The following SLC6A2 variants were observed in gnomAD, a reference collection of about 807,000 sequenced individuals.
The protein encoded by SLC6A2 is solute carrier family 6 member 2, also known as sodium-dependent noradrenaline transporter.
Under a neutral mutation model 71.7 loss-of-function variants are expected in SLC6A2, and 26 were observed. The ratio of observed to expected loss-of-function variants is 0.36; its 90% CI spans 0.27 to 0.50. The LOEUF is 0.50. Among genes scored for constraint, SLC6A2 ranks in the 20% least tolerant of loss-of-function variants. The pLI, the probability that SLC6A2 is intolerant of heterozygous loss-of-function variation, is 0.96. For missense variants in SLC6A2, 581 were observed against 803.9 expected (o/e 0.72, Z 3.35); for synonymous variants, 363 against 337.9 (o/e 1.07, Z -0.82).
In SLC6A2 at chr16:55,656,349, C is replaced by T. The variant is rs139594932; in HGVS notation, c.-52+180C>T. 3.6e-4 allele frequency: 147 copies of T among 408,210 alleles called. No homozygotes were observed. The highest frequency in any genetic ancestry group is 7.7e-4 in the Middle Eastern group (1 of 1,300). The allele number at this position is 408,210 out of a possible 1,614,324, so 25.3% of individuals were successfully genotyped here. ...AGGGGGTCGGCACGCTGCCCTCAGC[C>T]TCGGTGAGTTCAATCCCAGCCATTT... On this transcript the variant is annotated intron_variant, in intron 1 of 14. Coordinates refer to ENST00000568943, the MANE Select transcript of SLC6A2 (RefSeq NM_001172501.3). This position sits in a 1 kb window ranked among gnomAD's most constrained non-coding sequence, Gnocchi z 4.5.
rs746055463 is a variant in SLC6A2 at position 55,695,235 on chromosome 16, G to C, written c.1023-43G>C. The C allele has an allele frequency of 4.3e-6, 7 of 1,613,104 alleles. No homozygotes were observed. In the East Asian group the frequency reaches 1.6e-4, roughly 36 times the overall value. ...AGTCCAGCAGTCAAAACACAGGGTT[G>C]AGGGTGTCAAGGGACTTGACCTCAC... On this transcript the variant is annotated intron_variant, in intron 7 of 14. Transcript: ENST00000568943.
At chr16:55,699,026 T>C (rs560855658) in intron 11 of SLC6A2, among the ~76,000 whole-genome samples, 6 of 152,372 alleles carry the variant, frequency 3.9e-5, no homozygotes, top group Non-Finnish European at 8.8e-5. Flanking sequence ...GGCAAACTTA[T>C]TCTGGAACAG....
intron 2 of SLC6A2, among the ~76,000 whole-genome samples, chr16:55,668,504 G>A (rs1285400425): frequency 6.6e-6 from 1 of 152,174 alleles, no homozygotes; most frequent in Non-Finnish European, 1.5e-5. Context: ...CTTAGCTAAA[G>A]GCCAGTGGTA....
chr16:55,668,438 C>T (rs1964813494), intron 2 of SLC6A2, among the ~76,000 whole-genome samples: 1 of 152,086 alleles, frequency 6.6e-6, no homozygotes, highest in Non-Finnish European at 1.5e-5. Context: ...TAAAGTATTT[C>T]CTGTTTTCTT....
In SLC6A2 at chr16:55,695,419, C is replaced by G. The variant is rs1408179075; in HGVS notation, c.1147+17C>G. On this transcript the variant is annotated intron_variant, in intron 8 of 14. Transcript: ENST00000568943. ...CCACAGAAGGTGGGTGGGCAGCCCACCTGGGCCCCAGCCCACTGAGGCGGG... is the reference window on the plus strand; with the variant it reads ...CCACAGAAGGTGGGTGGGCAGCCCAGCTGGGCCCCAGCCCACTGAGGCGGG... The G allele has an allele frequency of 6.2e-7, 1 of 1,613,886 alleles. No homozygotes were observed. The highest frequency in any genetic ancestry group is 1.7e-5 in the Admixed American group (1 of 60,016).
intron 8 of SLC6A2, 136 bp downstream of exon 8, chr16:55,695,538 A>G: frequency 1.0e-6 from 1 of 965,826 alleles, no homozygotes; most frequent in South Asian, 1.4e-5. Context: ...CACCCATGTG[A>G]TTGACTTTCC....
rs536473947 is a variant in SLC6A2, at chr16:55,665,231, A to C, written c.275-4334A>C. On this transcript the variant is annotated intron_variant, in intron 2 of 14. Coordinates refer to ENST00000568943, the MANE Select transcript of SLC6A2 (RefSeq NM_001172501.3). The stretch of plus-strand genomic sequence containing the variant: ...ACTACAAAGGTCTCTTTGTCAAAGT[A>C]GGAAGACAGAACATGTTTTATTTAA... Among the ~76,000 whole-genome samples, 3 of 152,344 alleles carry C rather than the reference A, an allele frequency of 2.0e-5. No homozygotes were observed. In the South Asian group the frequency reaches 6.2e-4, roughly 32 times the overall value.
At chr16:55,681,207 A>T in intron 4 of SLC6A2, among the ~76,000 whole-genome samples, 1 of 152,200 alleles carries the variant, frequency 6.6e-6, no homozygotes, top group East Asian at 1.9e-4. Flanking sequence ...TTTCCTGGGT[A>T]TTATTATCTG....
intron 2 of SLC6A2, among the ~76,000 whole-genome samples, chr16:55,664,271 C>T (rs527605946): frequency 1.3e-4 from 20 of 152,312 alleles, no homozygotes; most frequent in African/African-American, 4.8e-4. Flanking sequence ...CTCCCACTAC[C>T]TTCATGCCAT....
At chr16:55,694,530 A>G (rs1965734917) in intron 7 of SLC6A2, among the ~76,000 whole-genome samples, 1 of 152,204 alleles carries the variant, frequency 6.6e-6, no homozygotes, top group African/African-American at 2.4e-5. Context: ...GATCTAGCTC[A>G]GTTCAGGAAG....
At chr16:55,679,188 T>A (rs183516607) in intron 4 of SLC6A2, among the ~76,000 whole-genome samples, 3 of 151,950 alleles carry the variant, frequency 2.0e-5, no homozygotes, top group Admixed American at 6.6e-5. Flanking sequence ...GAATTAAGCA[T>A]CAGATAGGGT....
intron 2 of SLC6A2, among the ~76,000 whole-genome samples, chr16:55,659,935 T>C (rs1323415439): frequency 6.6e-6 from 1 of 152,194 alleles, no homozygotes; most frequent in Admixed American, 6.5e-5. Flanking sequence ...CCAAACATAA[T>C]AACTCATGGA....
chr16:55,702,817 G>A lies in SLC6A2; in HGVS notation c.*471G>A. 1 of 1,047,468 alleles carries A rather than the reference G, an allele frequency of 9.5e-7. No homozygotes were observed. The allele number at this position is 1,047,468 out of a possible 1,614,324, so 64.9% of individuals were successfully genotyped here. A position where few individuals can be genotyped will look rare whatever the true frequency, so the allele number is the denominator to read the frequency against. On this transcript the variant is annotated 3_prime_UTR_variant, in exon 15 of 15. Coordinates refer to ENST00000568943, the MANE Select transcript of SLC6A2 (RefSeq NM_001172501.3). Reference sequence around the variant, plus strand: ...TGGCTGAGTTTAGTGGGGTGGTTGGGGAAGGTACATAGACCCTCCTCTTGC... The same window carrying A: ...TGGCTGAGTTTAGTGGGGTGGTTGGAGAAGGTACATAGACCCTCCTCTTGC...
intron 5 of SLC6A2, among the ~76,000 whole-genome samples, chr16:55,691,218 G>T (rs11639789): frequency 0.26 from 30,113 of 117,398 alleles, 3,570 homozygotes; most frequent in Non-Finnish European, 0.32. Context: ...GAGAGGGGGG[G>T]AGGGGAGAGG....
At chr16:55,675,983 G>A (rs548847293) in intron 4 of SLC6A2, among the ~76,000 whole-genome samples, 1 of 152,254 alleles carries the variant, frequency 6.6e-6, no homozygotes, top group South Asian at 2.1e-4. Flanking sequence ...AAAGTCTACT[G>A]CCTCCTGGGG....
chr16:55,656,406 G>C lies in SLC6A2; in HGVS notation c.-52+237G>C, dbSNP rs1964448393. Reference sequence around the variant, plus strand: ...GGCGAGAGTGGGTGAACGAGGAAAAGTGCTGCAGGGTCTTCAGCCGCCCCC... The same window carrying C: ...GGCGAGAGTGGGTGAACGAGGAAAACTGCTGCAGGGTCTTCAGCCGCCCCC... On this transcript the variant is annotated intron_variant, in intron 1 of 14. Coordinates refer to ENST00000568943, the MANE Select transcript of SLC6A2 (RefSeq NM_001172501.3). The surrounding 1 kb of genome is among the most constrained non-coding windows in gnomAD (Gnocchi z 4.5). The C allele has an allele frequency of 1.9e-6, 1 of 525,856 alleles. No homozygotes were observed. The highest frequency in any genetic ancestry group is 3.4e-6 in the Non-Finnish European group (1 of 290,158). The allele number at this position is 525,856 out of a possible 1,614,324, so 32.6% of individuals were successfully genotyped here. A position where few individuals can be genotyped will look rare whatever the true frequency, so the allele number is the denominator to read the frequency against.
Position 55,656,722 on chromosome 16 carries a change from G to T in SLC6A2, c.28G>T (p.Val10Leu), listed in dbSNP as rs1281511940. The T allele has an allele frequency of 1.2e-6, 2 of 1,612,778 alleles. No individual in the cohort carries two copies. The highest frequency in any genetic ancestry group is 2.2e-5 in the East Asian group (1 of 44,840). ...GCTTCTGGCGCGGATGAACCCGCAG[G>T]TGCAGCCCGAGAACAACGGGGCGGA... MLLARMNPQ[V>L]QPENNGADTG... is the part of the protein sequence containing the mutation. The change falls in exon 2 of 15, where the codon GTG becomes TTG. Residue 10 changes from valine to leucine, a missense_variant. Coordinates refer to ENST00000568943, the MANE Select transcript of SLC6A2 (RefSeq NM_001172501.3). This position sits in a 1 kb window ranked among gnomAD's most constrained non-coding sequence, Gnocchi z 4.5.
At chr16:55,694,551 T>C (rs1303866285) in intron 7 of SLC6A2, among the ~76,000 whole-genome samples, 1 of 152,188 alleles carries the variant, frequency 6.6e-6, no homozygotes, top group Non-Finnish European at 1.5e-5. Context: ...CAGTCAATGC[T>C]ACCTCCTGCT....
chr16:55,674,085 A>ACATTG (rs1835738312), intron 4 of SLC6A2, among the ~76,000 whole-genome samples: 1 of 152,154 alleles, frequency 6.6e-6, no homozygotes, highest in Admixed American at 6.5e-5. Flanking sequence ...TTACATGGGT[A>ACATTG]CATTGCATGA....
Sources: gnomAD v4.1 joint callset for allele counts (sites outside exome capture counted in the v4.1 genomes callset) on GRCh38, gnomAD v4.1.1 for gene constraint, Gnocchi (gnomAD v3.1) non-coding constraint, MANE v1.5 for transcripts, NCBI Gene and HGNC (gene_info 2026-07-23, HGNC 2026-07-21) for gene names.